RBFOX1: variants seen among roughly 807,000 people sequenced by gnomAD.
RBFOX1 encodes the protein RNA binding protein fox-1 homolog 1.
In RBFOX1, 8 loss-of-function variants were observed where a neutral mutation model predicts 57.7. That is an observed-to-expected ratio of 0.14 (90% CI 0.08 to 0.25). The LOEUF is 0.25. Ranked by LOEUF, RBFOX1 falls within the 10% of genes least tolerant of loss-of-function variation. RBFOX1 has a pLI of 1.00. For synonymous variants in RBFOX1, 326 were observed against 222.4 expected, an observed-to-expected ratio of 1.47 and a Z score of -4.15; for missense variants, 611 against 548.5, an observed-to-expected ratio of 1.11 and a Z score of -1.14.
At chr16:5,985,478 G>C (rs1345216432) in intron 4 of RBFOX1, among the ~76,000 whole-genome samples, 1 of 152,044 alleles carries the variant, frequency 6.6e-6, no homozygotes, top group Non-Finnish European at 1.5e-5. Flanking sequence ...TTAAGTGATG[G>C]GCCCAAAGCC....
intron 3 of RBFOX1, among the ~76,000 whole-genome samples, chr16:7,034,654 G>C (rs909255645): frequency 2.3e-4 from 35 of 151,812 alleles, no homozygotes; most frequent in African/African-American, 8.2e-4. Context: ...GAGGCTAGCA[G>C]AGGGCCCTCT....
At chr16:5,778,574 G>A (rs1039143262) in intron 3 of RBFOX1, among the ~76,000 whole-genome samples, 8 of 152,128 alleles carry the variant, frequency 5.3e-5, no homozygotes, top group African/African-American at 9.7e-5. Flanking sequence ...GCAACCCCGC[G>A]TGGCCTTGCA....
chr16:7,080,143 C>G (rs1280214390), intron 4 of RBFOX1, among the ~76,000 whole-genome samples: 1 of 149,486 alleles, frequency 6.7e-6, no homozygotes, highest in East Asian at 2.0e-4. Flanking sequence ...TTTACTATAT[C>G]AATATTATTC....
intron 14 of RBFOX1, among the ~76,000 whole-genome samples, chr16:7,683,577 G>A (rs919836477): frequency 1.3e-4 from 19 of 151,906 alleles, no homozygotes; most frequent in African/African-American, 3.6e-4. Context: ...TCACAGCCAC[G>A]TGGGTAGACA....
chr16:5,305,070 G>C (rs185488156), intron 1 of RBFOX1, among the ~76,000 whole-genome samples: 2 of 152,248 alleles, frequency 1.3e-5, no homozygotes, highest in African/African-American at 4.8e-5. Flanking sequence ...TAGTGACTCA[G>C]GTGGGCTTTG....
At chr16:5,672,960 G>C (rs1328760821) in intron 3 of RBFOX1, among the ~76,000 whole-genome samples, 3 of 151,932 alleles carry the variant, frequency 2.0e-5, no homozygotes, top group African/African-American at 7.3e-5. Flanking sequence ...AATAATTAGG[G>C]AGCTTGGGGT....
At chr16:5,463,829 A>G (rs1414652706) in intron 1 of RBFOX1, among the ~76,000 whole-genome samples, 1 of 152,072 alleles carries the variant, frequency 6.6e-6, no homozygotes, top group Non-Finnish European at 1.5e-5. Context: ...ATAAAAAAAA[A>G]TCCACTTCAT....
chr16:5,263,953 C>A (rs1253256132), intron 1 of RBFOX1, among the ~76,000 whole-genome samples: 1 of 152,174 alleles, frequency 6.6e-6, no homozygotes, highest in Non-Finnish European at 1.5e-5. Flanking sequence ...TTTCCAGTAT[C>A]ATTCAGCAGC....
At chr16:7,106,245 G>C (rs1215751666) in intron 4 of RBFOX1, among the ~76,000 whole-genome samples, 1 of 152,162 alleles carries the variant, frequency 6.6e-6, no homozygotes, top group Non-Finnish European at 1.5e-5. Flanking sequence ...ATGAATGTGT[G>C]CATGAGCATG....
intron 4 of RBFOX1, among the ~76,000 whole-genome samples, chr16:6,004,201 AT>A (rs1026391654): frequency 1.3e-4 from 20 of 152,184 alleles, no homozygotes; most frequent in Middle Eastern, 3.4e-3. Flanking sequence ...ATAAAATAAA[AT>A]TTTTTTTAAA....
At chr16:7,674,081 G>A (rs1323541299) in intron 13 of RBFOX1, among the ~76,000 whole-genome samples, 3 of 152,126 alleles carry the variant, frequency 2.0e-5, no homozygotes, top group African/African-American at 4.8e-5. Flanking sequence ...TGTATGTAAA[G>A]CAATTTATAT....
intron 1 of RBFOX1, among the ~76,000 whole-genome samples, chr16:6,268,373 C>A (rs192011520): frequency 9.2e-5 from 14 of 151,888 alleles, no homozygotes; most frequent in African/African-American, 3.4e-4. Flanking sequence ...GTGCTCAGAC[C>A]CTAACTGTCT....
At chr16:6,223,034 C>A (rs1274800996) in intron 1 of RBFOX1, among the ~76,000 whole-genome samples, 1 of 149,964 alleles carries the variant, frequency 6.7e-6, no homozygotes, top group Admixed American at 6.7e-5. Flanking sequence ...ATGAACTCAT[C>A]ATTTTTTATG....
At chr16:5,745,413 G>A (rs553203231) in intron 3 of RBFOX1, among the ~76,000 whole-genome samples, 2 of 152,292 alleles carry the variant, frequency 1.3e-5, no homozygotes, top group East Asian at 3.9e-4. Flanking sequence ...ATGTGTGCAT[G>A]TGTCTTTATA....
intron 4 of RBFOX1, among the ~76,000 whole-genome samples, chr16:7,129,782 T>A (rs2069700410): frequency 8.1e-6 from 1 of 123,368 alleles, no homozygotes; most frequent in South Asian, 2.7e-4. Context: ...CAAAGAGACA[T>A]TTATCACACT....
chr16:7,387,161 C>A (rs1244622291), intron 4 of RBFOX1, among the ~76,000 whole-genome samples: 3 of 151,832 alleles, frequency 2.0e-5, no homozygotes, highest in African/African-American at 7.3e-5. Flanking sequence ...AAATTTTGTC[C>A]CATTCTGTAG....
chr16:7,221,440 C>T (rs1213817955), intron 4 of RBFOX1, among the ~76,000 whole-genome samples: 3 of 151,780 alleles, frequency 2.0e-5, no homozygotes, highest in Non-Finnish European at 2.9e-5. Context: ...AATCTTGGCT[C>T]ACTGCAACCT....
chr16:7,602,644 C>G (rs773904639), intron 9 of RBFOX1, among the ~76,000 whole-genome samples: 1 of 152,144 alleles, frequency 6.6e-6, no homozygotes, highest in African/African-American at 2.4e-5. Flanking sequence ...GGTTCATTTG[C>G]ATGTGATTTG....
intron 3 of RBFOX1, among the ~76,000 whole-genome samples, chr16:5,672,833 G>A (rs1376644297): frequency 4.0e-5 from 6 of 150,954 alleles, no homozygotes; most frequent in Non-Finnish European, 8.8e-5. Flanking sequence ...AGAGAGGGAT[G>A]ATCAGAAATC....
Sources: allele counts gnomAD v4.1 joint callset (sites outside exome capture counted in the v4.1 genomes callset), GRCh38; gene constraint gnomAD v4.1.1; transcripts MANE v1.5; gene names NCBI Gene and HGNC (gene_info 2026-07-23, HGNC 2026-07-21).